Variants in CHN1 observed in about 807,000 individuals in gnomAD.
CHN1 encodes the protein chimerin 1, also known as N-chimaerin.
A neutral mutation model predicts 59.5 loss-of-function variants in CHN1; 37 were observed. The observed-to-expected ratio is 0.62, with a 90% CI of 0.48 to 0.82. The LOEUF (loss-of-function observed/expected upper bound fraction) is 0.82. CHN1 is among the 40% of genes least tolerant of loss of function. The pLI is 0.00. For missense variants in CHN1, 469 were observed against 571.0 expected (o/e 0.82, Z 1.82); for synonymous variants, 206 against 200.4 (o/e 1.03, Z -0.24).
chr2:174,853,436 T>G (rs1686801468), intron 6 of CHN1, among the ~76,000 whole-genome samples: 1 of 152,066 alleles, frequency 6.6e-6, no homozygotes, highest in Non-Finnish European at 1.5e-5. Context: ...ATTTAAAAAG[T>G]CAGAAAACAA....
intron 6 of CHN1, among the ~76,000 whole-genome samples, chr2:174,852,359 G>T (rs1686761210): frequency 6.6e-6 from 1 of 152,040 alleles, no homozygotes; most frequent in Non-Finnish European, 1.5e-5. Flanking sequence ...AATACCTGGG[G>T]ATATGGCTAA....
rs113649674 is a variant in CHN1, at chr2:174,876,234, T to C, written c.549+1606A>G. 9.3e-3 allele frequency among the ~76,000 whole-genome samples: 1,421 copies of C among 152,334 alleles called. 23 individuals carry two copies. Among genetic ancestry groups the C allele is most frequent in the African/African-American group, 0.032 (1,338 of 41,572 alleles). Reference sequence around the variant, plus strand: ...ACTTGCCTAATGTTAAACAGCTAAGTGTCTTTAGCTAAAGTCCCTTGGTGT... The same window carrying C: ...ACTTGCCTAATGTTAAACAGCTAAGCGTCTTTAGCTAAAGTCCCTTGGTGT... On this transcript the variant is annotated intron_variant, in intron 6 of 12. Transcript: ENST00000409900.
At chr2:174,985,086 T>C (rs1691296035) in intron 1 of CHN1, among the ~76,000 whole-genome samples, 1 of 152,236 alleles carries the variant, frequency 6.6e-6, no homozygotes, top group Non-Finnish European at 1.5e-5. Context: ...ATTTTTATGA[T>C]GAGGCTGAGA....
intron 6 of CHN1, among the ~76,000 whole-genome samples, 186 bp downstream of exon 6, chr2:174,877,654 C>T (rs1052344040): frequency 2.6e-5 from 4 of 152,054 alleles, no homozygotes; most frequent in African/African-American, 9.7e-5. Context: ...TAAAAATTTA[C>T]CTAACATATT....
At chr2:174,961,188 G>A (rs974432926) in intron 1 of CHN1, among the ~76,000 whole-genome samples, 3 of 83,394 alleles carry the variant, frequency 3.6e-5, no homozygotes, top group Non-Finnish European at 5.7e-5. Flanking sequence ...AGGAACAGAG[G>A]GAAGGGAGGG....
At chr2:174,808,876 T>A in intron 11 of CHN1, 29 bp downstream of exon 11, 2 of 1,611,154 alleles carry the variant, frequency 1.2e-6, no homozygotes, top group Non-Finnish European at 1.7e-6. Flanking sequence ...CGTTGTCAGG[T>A]TATTTGAAAT....
chr2:174,861,445 T>C (rs1687064688), intron 6 of CHN1, among the ~76,000 whole-genome samples: 1 of 152,206 alleles, frequency 6.6e-6, no homozygotes, highest in Non-Finnish European at 1.5e-5. Flanking sequence ...TCATGGCACA[T>C]TCGTAAGCCT....
At chr2:174,961,142 G>A (rs1690387122) in intron 1 of CHN1, among the ~76,000 whole-genome samples, 1 of 143,166 alleles carries the variant, frequency 7.0e-6, no homozygotes, top group South Asian at 2.3e-4. Flanking sequence ...GGGAGGAAGG[G>A]AAGGGAGGGA....
chr2:174,997,597 C>T (rs1691747437), intron 1 of CHN1, among the ~76,000 whole-genome samples: 1 of 152,158 alleles, frequency 6.6e-6, no homozygotes, highest in Non-Finnish European at 1.5e-5. Flanking sequence ...CAGATGTTTC[C>T]ATTTTCCTCA....
chr2:174,996,548 T>G (rs983609914), intron 1 of CHN1, among the ~76,000 whole-genome samples: 12 of 152,170 alleles, frequency 7.9e-5, no homozygotes, highest in Admixed American at 7.2e-4. Context: ...GTAAAGAAAT[T>G]GACACTAGAA....
rs190400304 is a variant in CHN1 at position 174,996,235 on chromosome 2, T to G, written c.19+8659A>C. On this transcript the variant is annotated intron_variant, in intron 1 of 12. Coordinates refer to ENST00000409900, the MANE Select transcript of CHN1 (RefSeq NM_001822.7). ...CAGAAAGTGTCATAGTGGCCAGCAC[T>G]ATCACAGAAACCTACTTGATCTTCA... 2.7e-4 allele frequency among the ~76,000 whole-genome samples: 41 copies of G among 152,290 alleles called. No homozygotes were observed. The East Asian group carries it at 7.5e-3, about 28-fold the overall frequency.
chr2:174,986,423 C>T (rs1199645804), intron 1 of CHN1, among the ~76,000 whole-genome samples: 1 of 152,110 alleles, frequency 6.6e-6, no homozygotes, highest in African/African-American at 2.4e-5. Context: ...CAAAAGTTTA[C>T]AGATTAAGAG....
rs1172102700 is a variant in CHN1, at chr2:174,799,422, AAATT to A, written c.*690_*693del. ...TTTTATTTCTAAAAGCCAATTTAAT[AAATT>A]AATAAACGCATGCCAGAAAAAATAC... On this transcript the variant is annotated 3_prime_UTR_variant, in exon 13 of 13. Transcript: ENST00000409900. 6.7e-6 allele frequency: 3 copies of A among 449,986 alleles called. No individual in the cohort carries two copies. The highest frequency in any genetic ancestry group is 2.0e-5 in the African/African-American group (1 of 49,278). The allele number at this position is 449,986 out of a possible 1,614,324, so 27.9% of individuals were successfully genotyped here. A position where few individuals can be genotyped will look rare whatever the true frequency, so the allele number is the denominator to read the frequency against.
chr2:174,846,505 TTTACCAGAAACACAG>T, intron 7 of CHN1: 1 of 1,415,974 alleles, frequency 7.1e-7, no homozygotes, highest in South Asian at 1.6e-5. Flanking sequence ...TCCAAAGCTT[TTTACCAGAAACACAG>T]ATCTAATCCT....
intron 1 of CHN1, among the ~76,000 whole-genome samples, chr2:175,003,974 T>C (rs1267462684): frequency 6.6e-6 from 1 of 152,228 alleles, no homozygotes; most frequent in Non-Finnish European, 1.5e-5. Flanking sequence ...ATGACATAAT[T>C]AAAACTGAAC....
intron 8 of CHN1, among the ~76,000 whole-genome samples, chr2:174,815,260 C>G (rs1440569582): frequency 1.1e-4 from 17 of 152,018 alleles, no homozygotes; most frequent in Admixed American, 1.1e-3. Flanking sequence ...GCCTGTAGTT[C>G]CAGCTACTCA....
chr2:174,876,746 G>T (rs563048878), intron 6 of CHN1, among the ~76,000 whole-genome samples: 3 of 152,292 alleles, frequency 2.0e-5, no homozygotes, highest in Admixed American at 6.5e-5. Context: ...ATTTGAGGAT[G>T]CTGCCTTGAG....
intron 1 of CHN1, among the ~76,000 whole-genome samples, chr2:174,987,222 G>A (rs1431892490): frequency 2.6e-5 from 4 of 152,104 alleles, no homozygotes; most frequent in Non-Finnish European, 5.9e-5. Flanking sequence ...GACAGACTAG[G>A]CGGGGCAGGG....
At chr2:174,915,505 T>TAAAGA (rs1346005228) in intron 4 of CHN1, among the ~76,000 whole-genome samples, 1 of 122,638 alleles carries the variant, frequency 8.2e-6, no homozygotes, top group African/African-American at 3.1e-5. Flanking sequence ...TATGGCTTGC[T>TAAAGA]AAAGAAAAGA....
Sources: gnomAD v4.1 joint callset for allele counts (sites outside exome capture counted in the v4.1 genomes callset) on GRCh38, gnomAD v4.1.1 for gene constraint, MANE v1.5 for transcripts, NCBI Gene and HGNC (gene_info 2026-07-23, HGNC 2026-07-21) for gene names.